The following BCR variants were observed in gnomAD, a reference collection of about 807,000 sequenced individuals.
BCR encodes breakpoint cluster region protein.
In BCR, 58 loss-of-function variants were observed where a neutral mutation model predicts 138.6. That is an observed-to-expected ratio of 0.42 (90% CI 0.34 to 0.52). BCR has a LOEUF of 0.52. Ranked by LOEUF, BCR falls within the 20% of genes least tolerant of loss-of-function variation. The probability of loss-of-function intolerance (pLI) is 0.06; values close to 1 mark genes in which losing one functional copy is unlikely to be tolerated. For synonymous variants in BCR, 786 were observed against 730.1 expected, an observed-to-expected ratio of 1.08 and a Z score of -1.23; for missense variants, 1,599 against 1,727.2, an observed-to-expected ratio of 0.93 and a Z score of 1.32.
intron 1 of BCR, among the ~76,000 whole-genome samples, chr22:23,185,429 T>C (rs1316557131): frequency 1.3e-5 from 2 of 151,468 alleles, no homozygotes; most frequent in African/African-American, 4.9e-5. Context: ...ACTTAGGGAG[T>C]CCAAGGCGGG....
At chr22:23,254,266 G>A (rs2073268145) in intron 2 of BCR, among the ~76,000 whole-genome samples, 1 of 152,132 alleles carries the variant, frequency 6.6e-6, no homozygotes, top group South Asian at 2.1e-4. Context: ...ACCAAGACCT[G>A]CGTGGTGGCG....
chr22:23,253,405 C>T (rs2073254182), intron 1 of BCR, among the ~76,000 whole-genome samples: 1 of 152,218 alleles, frequency 6.6e-6, no homozygotes, highest in South Asian at 2.1e-4. Context: ...CTTCCTGAGG[C>T]TATCCAGGAG....
At chr22:23,203,229 G>A (rs991288542) in intron 1 of BCR, among the ~76,000 whole-genome samples, 1 of 152,158 alleles carries the variant, frequency 6.6e-6, no homozygotes, top group African/African-American at 2.4e-5. Context: ...GATTTACCAG[G>A]TCAGAGAGGT....
intron 4 of BCR, chr22:23,262,640 C>G (rs1568960885): frequency 5.4e-6 from 2 of 371,866 alleles, no homozygotes; most frequent in Non-Finnish European, 7.4e-6. Context: ...TCGGGCTGCC[C>G]CGCAGCTGCT....
chr22:23,290,108 AC>A, intron 13 of BCR: 1 of 597,708 alleles, frequency 1.7e-6, no homozygotes, highest in South Asian at 1.9e-5. Flanking sequence ...GAACCTTATT[AC>A]ACTTCGAGTC....
chr22:23,248,842 ACCT>A (rs2073187423), intron 1 of BCR, among the ~76,000 whole-genome samples: 1 of 152,166 alleles, frequency 6.6e-6, no homozygotes, highest in Non-Finnish European at 1.5e-5. Flanking sequence ...GAGACCATCA[ACCT>A]CAGTCCTGCC....
chr22:23,215,867 G>GT (rs1047057531), intron 1 of BCR, among the ~76,000 whole-genome samples: 136 of 152,294 alleles, frequency 8.9e-4, no homozygotes, highest in African/African-American at 3.2e-3. Flanking sequence ...AGGGATAGGG[G>GT]ACCAGTTAAT....
At chr22:23,192,274 A>G (rs1014919823) in intron 1 of BCR, among the ~76,000 whole-genome samples, 1 of 152,200 alleles carries the variant, frequency 6.6e-6, no homozygotes, top group African/African-American at 2.4e-5. Flanking sequence ...GCCCAAGGTC[A>G]AGTGGTTGGT....
chr22:23,226,866 G>A (rs566150902), intron 1 of BCR, among the ~76,000 whole-genome samples: 2 of 152,310 alleles, frequency 1.3e-5, no homozygotes, highest in East Asian at 3.9e-4. Flanking sequence ...TGAATGAACA[G>A]GTCCCCTCAG....
At chr22:23,206,345 T>C (rs1602013461) in intron 1 of BCR, among the ~76,000 whole-genome samples, 2 of 151,992 alleles carry the variant, frequency 1.3e-5, no homozygotes, top group South Asian at 2.1e-4. Context: ...GAGGCCAAGG[T>C]GGGCGGATCA....
At chr22:23,222,368 G>A (rs1407275499) in intron 1 of BCR, among the ~76,000 whole-genome samples, 1 of 152,188 alleles carries the variant, frequency 6.6e-6, no homozygotes, top group Non-Finnish European at 1.5e-5. Flanking sequence ...AGGCTAAGTG[G>A]GAAGGTGGAA....
At position 23,299,475 on chromosome 22, in the gene BCR, C is replaced by T. The variant is rs540332938; in HGVS notation, c.3012+4320C>T. Among the ~76,000 whole-genome samples the T allele has an allele frequency of 1.3e-4, 20 of 152,064 alleles. No homozygotes were observed. In the East Asian group the frequency reaches 3.1e-3, roughly 24 times the overall value. ...TACAAATGAGGATTCTCGATGCCTT[C>T]GTGGCCTTACCTGACCATACCTCCC... On this transcript the variant is annotated intron_variant, in intron 16 of 22. Coordinates refer to ENST00000305877, the MANE Select transcript of BCR (RefSeq NM_004327.4).
intron 1 of BCR, among the ~76,000 whole-genome samples, chr22:23,196,815 G>T (rs2072489179): frequency 1.3e-5 from 2 of 152,166 alleles, no homozygotes; most frequent in African/African-American, 4.8e-5. Flanking sequence ...ATGGAGCAAT[G>T]AGGAGCAGCT....
chr22:23,275,066 T>C (rs2073559995), intron 8 of BCR, among the ~76,000 whole-genome samples: 1 of 152,174 alleles, frequency 6.6e-6, no homozygotes, highest in African/African-American at 2.4e-5. Context: ...CCTCCTGCCC[T>C]GGGCCACCAG....
intron 1 of BCR, among the ~76,000 whole-genome samples, chr22:23,220,166 G>T (rs145979268): frequency 7.9e-5 from 12 of 152,298 alleles, no homozygotes; most frequent in Non-Finnish European, 7.4e-5. Context: ...CTCCCATAGT[G>T]CTTGAACCAC....
At chr22:23,256,083 C>T (rs2073292033) in intron 2 of BCR, among the ~76,000 whole-genome samples, 1 of 152,202 alleles carries the variant, frequency 6.6e-6, no homozygotes, top group Admixed American at 6.5e-5. Flanking sequence ...ACAAGCCATG[C>T]AAATGTCATC....
intron 16 of BCR, among the ~76,000 whole-genome samples, chr22:23,295,377 A>C (rs532909944): frequency 6.6e-6 from 1 of 152,156 alleles, no homozygotes; most frequent in East Asian, 1.9e-4. Flanking sequence ...GCGTCGGCTC[A>C]TTCCCAAAGG....
intron 1 of BCR, among the ~76,000 whole-genome samples, chr22:23,194,494 T>C (rs1193980792): frequency 6.6e-6 from 1 of 150,456 alleles, no homozygotes; most frequent in Non-Finnish European, 1.5e-5. Flanking sequence ...CACTGCAAAC[T>C]CCGCCTCCCA....
intron 1 of BCR, among the ~76,000 whole-genome samples, chr22:23,186,624 G>C (rs190205143): frequency 2.0e-5 from 3 of 152,162 alleles, no homozygotes; most frequent in Non-Finnish European, 2.9e-5. Context: ...GATACCTCAT[G>C]TAAGTCCAGT....
Sources: gnomAD v4.1 joint callset for allele counts (sites outside exome capture counted in the v4.1 genomes callset) on GRCh38, gnomAD v4.1.1 for gene constraint, MANE v1.5 for transcripts, NCBI Gene and HGNC (gene_info 2026-07-23, HGNC 2026-07-21) for gene names.